CPA6: variants seen among roughly 807,000 people sequenced by gnomAD.
CPA6 encodes the protein carboxypeptidase B.
A neutral mutation model predicts 63.3 loss-of-function variants in CPA6; 58 were observed. The ratio of observed to expected loss-of-function variants is 0.92; its 90% CI spans 0.74 to 1.14. The LOEUF (loss-of-function observed/expected upper bound fraction) is 1.14. Among genes scored for constraint, CPA6 ranks in the 50% most tolerant of loss-of-function variants. The pLI is 0.00. For missense variants in CPA6, 565 were observed against 526.6 expected, an observed-to-expected ratio of 1.07 and a Z score of -0.71; for synonymous variants, 185 against 179.0, an observed-to-expected ratio of 1.03 and a Z score of -0.27.
At chr8:67,653,959 T>C (rs892407336) in intron 1 of CPA6, among the ~76,000 whole-genome samples, 1 of 151,652 alleles carries the variant, frequency 6.6e-6, no homozygotes, top group Non-Finnish European at 1.5e-5. Context: ...GAAGCGTTGT[T>C]GAATTTTGTC....
At chr8:67,554,396 T>C (rs1234402136) in intron 2 of CPA6, among the ~76,000 whole-genome samples, 8 of 152,116 alleles carry the variant, frequency 5.3e-5, no homozygotes, top group African/African-American at 1.9e-4. Context: ...TCATGAGAAG[T>C]CACTCACTGT....
At chr8:67,614,603 T>C (rs1814895628) in intron 2 of CPA6, among the ~76,000 whole-genome samples, 1 of 152,190 alleles carries the variant, frequency 6.6e-6, no homozygotes, top group South Asian at 2.1e-4. Context: ...AACGTATCAT[T>C]ATAATACTAG....
Position 67,569,648 on chromosome 8 carries a change from A to G in CPA6, c.193-51601T>C. On this transcript the variant is annotated intron_variant, in intron 2 of 10. Coordinates refer to ENST00000297770, the MANE Select transcript of CPA6 (RefSeq NM_020361.5). ...CAGAATTGGAGTGAAAAGAAGGCAC[A>G]GAAGGTTATATCCAAACTGTGTTTT... is the stretch of plus-strand genomic sequence containing the variant. 4 of 381,122 alleles carry G rather than the reference A, an allele frequency of 1.0e-5. 1 individual carries two copies. Among genetic ancestry groups the G allele is most frequent in the South Asian group, 8.6e-5 (4 of 46,656 alleles). 23.6% of individuals were successfully genotyped at this position (381,122 alleles called of 1,614,324 possible).
chr8:67,640,362 G>A (rs985474953), intron 1 of CPA6, among the ~76,000 whole-genome samples: 7 of 151,600 alleles, frequency 4.6e-5, no homozygotes, highest in South Asian at 4.2e-4. Context: ...GCTTGTTGGT[G>A]CCCCAAATCC....
chr8:67,587,103 C>T (rs890150994), intron 2 of CPA6, among the ~76,000 whole-genome samples: 4 of 152,184 alleles, frequency 2.6e-5, no homozygotes, highest in Admixed American at 6.6e-5. Context: ...AATGTGAAGT[C>T]CTTGAAAGCC....
chr8:67,449,455 T>C (rs1191417182), intron 8 of CPA6, among the ~76,000 whole-genome samples: 1 of 152,176 alleles, frequency 6.6e-6, no homozygotes, highest in Non-Finnish European at 1.5e-5. Context: ...TTTTTCCATA[T>C]AAACTTTATG....
intron 1 of CPA6, among the ~76,000 whole-genome samples, chr8:67,686,409 G>A (rs761357834): frequency 6.6e-6 from 1 of 152,042 alleles, no homozygotes; most frequent in Admixed American, 6.5e-5. Flanking sequence ...ACCTGGTTCC[G>A]CATAAACATT....
intron 1 of CPA6, among the ~76,000 whole-genome samples, chr8:67,626,867 CTTTT>C (rs200573210): frequency 1.4e-5 from 2 of 142,068 alleles, no homozygotes; most frequent in Non-Finnish European, 3.1e-5. Flanking sequence ...ATGAGAATAA[CTTTT>C]TTTTTTTTTT....
chr8:67,615,779 G>T (rs2128985790), intron 2 of CPA6, among the ~76,000 whole-genome samples: 2 of 152,244 alleles, frequency 1.3e-5, no homozygotes, highest in Middle Eastern at 6.8e-3. Flanking sequence ...TAGATGTTAG[G>T]GTCTAACAGT....
At chr8:67,623,991 T>C (rs774084203) in intron 2 of CPA6, among the ~76,000 whole-genome samples, 185 bp downstream of exon 2, 3 of 152,010 alleles carry the variant, frequency 2.0e-5, no homozygotes, top group Non-Finnish European at 2.9e-5. Flanking sequence ...AGTGAGACTT[T>C]GTCTCAAATA....
rs1166367674 is a variant in CPA6, at chr8:67,475,823, TTTTCTTTCTTTCTTTC to T, written c.838+7929_838+7944del. ...TTTCTTTCTTTCTTTCTTTCCTTTC[TTTTCTTTCTTTCTTTC>T]TTTCTTTCTTTCTTTCTTTCTTTCT... On this transcript the variant is annotated intron_variant, in intron 8 of 10. Coordinates refer to ENST00000297770, the MANE Select transcript of CPA6 (RefSeq NM_020361.5). Among the ~76,000 whole-genome samples the T allele has an allele frequency of 4.2e-3, 193 of 45,970 alleles. 5 individuals are homozygous for T. Among genetic ancestry groups the T allele is most frequent in the South Asian group, 9.1e-3 (12 of 1,322 alleles). The allele number at this position is 45,970 out of a possible 152,430, so 30.2% of individuals were successfully genotyped here. A position where few individuals can be genotyped will look rare whatever the true frequency, so the allele number is the denominator to read the frequency against.
chr8:67,482,271 CAT>C (rs1406298923), intron 8 of CPA6, among the ~76,000 whole-genome samples: 1 of 152,130 alleles, frequency 6.6e-6, no homozygotes, highest in Non-Finnish European at 1.5e-5. Context: ...ATGTATATGA[CAT>C]ATATGTGGAT....
chr8:67,603,875 T>C (rs1159712431), intron 2 of CPA6, among the ~76,000 whole-genome samples: 2 of 152,258 alleles, frequency 1.3e-5, no homozygotes, highest in Admixed American at 1.3e-4. Flanking sequence ...TAGGTCTCTA[T>C]GGTGTCATTA....
intron 2 of CPA6, among the ~76,000 whole-genome samples, chr8:67,539,081 T>G (rs1812650886): frequency 6.6e-6 from 1 of 152,252 alleles, no homozygotes; most frequent in African/African-American, 2.4e-5. Context: ...TGATGCAGTT[T>G]CTTCATAATG....
At position 67,434,075 on chromosome 8, in the gene CPA6, G is replaced by T; in HGVS notation, c.1004C>A (p.Ser335Tyr). The change falls in exon 9 of 11, where the codon TCT becomes TAT. Residue 335 changes from serine (S) to tyrosine (Y), a missense_variant. Transcript: ENST00000297770. ...AYAQMLLYPY[S>Y]YKYATIPNFR... ...ATTGGGAATTGTTGCATATTTGTAA[G>T]AATAGGGATACAGTAACATCTGAGC... 1 of 1,613,510 alleles carries T rather than the reference G, an allele frequency of 6.2e-7. No individual in the cohort carries two copies. The highest frequency in any genetic ancestry group is 1.1e-5 in the South Asian group (1 of 91,034).
At chr8:67,573,730 A>G (rs1813547287) in intron 2 of CPA6, among the ~76,000 whole-genome samples, 1 of 151,656 alleles carries the variant, frequency 6.6e-6, no homozygotes, top group Non-Finnish European at 1.5e-5. Context: ...GTCTCTACTA[A>G]AAATACAAAA....
chr8:67,734,359 AAAG>A (rs1817774473), intron 1 of CPA6, among the ~76,000 whole-genome samples: 1 of 151,900 alleles, frequency 6.6e-6, no homozygotes, highest in African/African-American at 2.4e-5. Context: ...AAAAAAAAAA[AAAG>A]AAAACCCTTA....
At chr8:67,626,526 T>C (rs988627958) in intron 1 of CPA6, among the ~76,000 whole-genome samples, 3 of 152,230 alleles carry the variant, frequency 2.0e-5, no homozygotes, top group Non-Finnish European at 2.9e-5. Context: ...GAAGTTCATA[T>C]TTCTGGAAAG....
chr8:67,516,449 G>T lies in CPA6; in HGVS notation c.317+1474C>A, dbSNP rs559572049. On this transcript the variant is annotated intron_variant, in intron 3 of 10. Transcript: ENST00000297770. ...TTCCCTCAGCCTACAAATACACCAAGATTTCCCCCTACACAAACAAATCCC... is the reference window on the plus strand; with the variant it reads ...TTCCCTCAGCCTACAAATACACCAATATTTCCCCCTACACAAACAAATCCC... Among the ~76,000 whole-genome samples the T allele has an allele frequency of 2.0e-5, 3 of 152,182 alleles. No homozygotes were observed. In the South Asian group the frequency reaches 6.2e-4, roughly 32 times the overall value.
Sources: allele counts gnomAD v4.1 joint callset (sites outside exome capture counted in the v4.1 genomes callset), GRCh38; gene constraint gnomAD v4.1.1; transcripts MANE v1.5; gene names NCBI Gene and HGNC (gene_info 2026-07-23, HGNC 2026-07-21).